Variants in CCSER1 observed in about 807,000 individuals in gnomAD.
CCSER1 encodes serine-rich coiled-coil domain-containing protein 1.
Under a neutral mutation model 82.0 loss-of-function variants are expected in CCSER1, and 41 were observed. The ratio of observed to expected loss-of-function variants is 0.50; its 90% CI spans 0.39 to 0.65. CCSER1 has a LOEUF of 0.65. CCSER1 is among the 30% of genes least tolerant of loss of function. The pLI is 0.00. For missense variants in CCSER1, 1,119 were observed against 1,064.2 expected (o/e 1.05, Z -0.72); for synonymous variants, 414 against 383.9 (o/e 1.08, Z -0.92).
At position 90,296,753 on chromosome 4, in the gene CCSER1, A is replaced by C. The variant is rs192207645; in HGVS notation, c.-41-11491A>C. On this transcript the variant is annotated intron_variant, in intron 1 of 10. Coordinates refer to ENST00000509176, the MANE Select transcript of CCSER1 (RefSeq NM_001145065.2). ...AGCACCATTTATTAAATAGGGAATC[A>C]TTTCCCCATTGCTTGTTTTCCTCAG... 1.0e-2 allele frequency among the ~76,000 whole-genome samples: 1,516 copies of C among 152,116 alleles called. 23 individuals carry two copies. The highest frequency in any genetic ancestry group is 0.035 in the African/African-American group (1,434 of 41,512).
chr4:90,196,480 A>C (rs1736634623), intron 1 of CCSER1, among the ~76,000 whole-genome samples: 1 of 151,968 alleles, frequency 6.6e-6, no homozygotes, highest in Non-Finnish European at 1.5e-5. Flanking sequence ...ATCAAAATAC[A>C]CAAGAGTATA....
At chr4:90,826,819 G>A (rs534479939) in intron 8 of CCSER1, among the ~76,000 whole-genome samples, 9 of 152,226 alleles carry the variant, frequency 5.9e-5, no homozygotes, top group Non-Finnish European at 4.4e-5. Context: ...TATCAATACC[G>A]AAATAAAAAT....
intron 4 of CCSER1, among the ~76,000 whole-genome samples, chr4:90,457,608 C>T (rs763579778): frequency 5.3e-5 from 8 of 152,156 alleles, no homozygotes; most frequent in African/African-American, 7.2e-5. Flanking sequence ...GGTAGCTCCT[C>T]CCCACAGGCA....
intron 9 of CCSER1, among the ~76,000 whole-genome samples, chr4:91,016,715 G>A (rs987740497): frequency 6.6e-6 from 1 of 151,996 alleles, no homozygotes; most frequent in Admixed American, 6.6e-5. Flanking sequence ...TACATAAAAT[G>A]TACTGTCCTA....
intron 10 of CCSER1, among the ~76,000 whole-genome samples, chr4:91,304,206 A>C (rs1376933850): frequency 1.3e-5 from 2 of 152,078 alleles, no homozygotes; most frequent in Non-Finnish European, 2.9e-5. Context: ...GTGAATTAAA[A>C]TGAAATTCAA....
At chr4:90,324,773 A>T (rs1737829670) in intron 3 of CCSER1, among the ~76,000 whole-genome samples, 1 of 152,150 alleles carries the variant, frequency 6.6e-6, no homozygotes, top group African/African-American at 2.4e-5. Context: ...GGTAATGCCT[A>T]GGTTTTCTTC....
intron 8 of CCSER1, among the ~76,000 whole-genome samples, chr4:90,909,247 A>G (rs1725965567): frequency 6.6e-6 from 1 of 152,188 alleles, no homozygotes; most frequent in African/African-American, 2.4e-5. Flanking sequence ...AATCCTTATC[A>G]AGTATAATCT....
At chr4:90,832,069 G>A (rs919655498) in intron 8 of CCSER1, among the ~76,000 whole-genome samples, 1 of 147,890 alleles carries the variant, frequency 6.8e-6, no homozygotes, top group Non-Finnish European at 1.5e-5. Context: ...CAAGCATCAG[G>A]TATTACTATG....
At chr4:91,487,264 TAC>T (rs1033656144) in intron 10 of CCSER1, among the ~76,000 whole-genome samples, 4 of 152,082 alleles carry the variant, frequency 2.6e-5, no homozygotes, top group African/African-American at 9.7e-5. Flanking sequence ...ACGTTTAGAA[TAC>T]CTTCAACTTT....
chr4:91,200,533 A>C (rs1735821989), intron 10 of CCSER1, among the ~76,000 whole-genome samples: 2 of 152,120 alleles, frequency 1.3e-5, no homozygotes, highest in African/African-American at 4.8e-5. Context: ...CAATACATAG[A>C]AGCCTTCAAA....
intron 10 of CCSER1, among the ~76,000 whole-genome samples, chr4:91,285,554 G>C (rs1392933703): frequency 2.0e-5 from 3 of 151,824 alleles, no homozygotes; most frequent in Non-Finnish European, 4.4e-5. Context: ...AGTTAAGTGA[G>C]TTAATCCTAC....
At chr4:91,283,971 T>C (rs1743098260) in intron 10 of CCSER1, among the ~76,000 whole-genome samples, 1 of 152,114 alleles carries the variant, frequency 6.6e-6, no homozygotes, top group South Asian at 2.1e-4. Flanking sequence ...CAGTGTTGTA[T>C]ATTACCTATA....
At chr4:90,204,784 A>T (rs964730378) in intron 1 of CCSER1, among the ~76,000 whole-genome samples, 12 of 152,352 alleles carry the variant, frequency 7.9e-5, no homozygotes, top group African/African-American at 2.9e-4. Context: ...TACTTTGAGC[A>T]GTATGGCCAT....
intron 1 of CCSER1, among the ~76,000 whole-genome samples, chr4:90,128,494 CGTGTGTGTGTGT>C: frequency 6.7e-6 from 1 of 150,064 alleles, no homozygotes; most frequent in African/African-American, 2.4e-5. Context: ...AGGTTGTGTG[CGTGTGTGTGTGT>C]GTGTGTGTGT....
chr4:90,767,680 A>ATT (rs74921265), intron 7 of CCSER1, among the ~76,000 whole-genome samples: 12 of 151,394 alleles, frequency 7.9e-5, no homozygotes, highest in African/African-American at 1.2e-4. Context: ...AAACAGGGTA[A>ATT]TTTTTTTTTA....
intron 10 of CCSER1, among the ~76,000 whole-genome samples, chr4:91,130,762 A>C (rs1412968882): frequency 1.3e-5 from 2 of 151,866 alleles, no homozygotes; most frequent in Non-Finnish European, 2.9e-5. Flanking sequence ...CTGTTCCACT[A>C]TCAGGAAGGA....
At chr4:91,451,786 A>G (rs1466430519) in intron 10 of CCSER1, among the ~76,000 whole-genome samples, 2 of 152,030 alleles carry the variant, frequency 1.3e-5, no homozygotes, top group African/African-American at 4.8e-5. Flanking sequence ...ATAAAATATT[A>G]TAGAATTTAA....
rs150638239 is a variant in CCSER1, at chr4:91,513,488, G to A, written c.2218-85084G>A. Among the ~76,000 whole-genome samples, 21 of 152,200 alleles carry A rather than the reference G, an allele frequency of 1.4e-4. No homozygotes were observed. The East Asian group carries it at 3.9e-3, about 28-fold the overall frequency. ...GATGCTGGCTTTGTAGAATGAGTTAGGGAGAAGCCCCTCCTCATCAGTTTT... is the reference window on the plus strand; with the variant it reads ...GATGCTGGCTTTGTAGAATGAGTTAAGGAGAAGCCCCTCCTCATCAGTTTT... On this transcript the variant is annotated intron_variant, in intron 10 of 10. Coordinates refer to ENST00000509176, the MANE Select transcript of CCSER1 (RefSeq NM_001145065.2).
chr4:90,472,430 A>T (rs1490262915), intron 5 of CCSER1, among the ~76,000 whole-genome samples: 1 of 152,188 alleles, frequency 6.6e-6, no homozygotes, highest in East Asian at 1.9e-4. Flanking sequence ...TAGACATTTG[A>T]TAAGGAGAAA....
Sources: gnomAD v4.1 joint callset for allele counts (sites outside exome capture counted in the v4.1 genomes callset) on GRCh38, gnomAD v4.1.1 for gene constraint, MANE v1.5 for transcripts, NCBI Gene and HGNC (gene_info 2026-07-23, HGNC 2026-07-21) for gene names.